Variants in IGFBP2 observed in about 807,000 individuals in gnomAD.
IGFBP2 encodes insulin like growth factor binding protein 2.
In IGFBP2, 12 loss-of-function variants were observed where a neutral mutation model predicts 26.2. The ratio of observed to expected loss-of-function variants is 0.46; its 90% confidence interval spans 0.29 to 0.74. The LOEUF (loss-of-function observed/expected upper bound fraction) is 0.74, where lower values mean the gene tolerates loss of function less well. Among genes scored for constraint, IGFBP2 ranks in the 30% least tolerant of loss-of-function variants. The probability of loss-of-function intolerance (pLI) is 0.09; values close to 1 mark genes in which losing one functional copy is unlikely to be tolerated. For missense variants in IGFBP2, 328 were observed against 441.2 expected (o/e 0.74, Z 2.30); for synonymous variants, 189 against 200.6 (o/e 0.94, Z 0.49).
At chr2:216,655,863 C>T (rs188521215) in intron 1 of IGFBP2, among the ~76,000 whole-genome samples, 10 of 151,514 alleles carry the variant, frequency 6.6e-5, no homozygotes, top group Admixed American at 4.6e-4. Context: ...CCACTGTACT[C>T]CAGCCTGGGT....
At chr2:216,661,514 G>A (rs1397745779) in intron 2 of IGFBP2, 32 of 394,458 alleles carry the variant, frequency 8.1e-5, no homozygotes, top group Non-Finnish European at 1.3e-4. Context: ...ATGGAAAGAA[G>A]TGGAGCTTGG....
intron 1 of IGFBP2, among the ~76,000 whole-genome samples, chr2:216,643,932 C>T (rs1012463444): frequency 7.9e-5 from 12 of 152,042 alleles, no homozygotes; most frequent in Non-Finnish European, 1.5e-4. Flanking sequence ...GGTGGGATGT[C>T]GATTTTTTTT....
At chr2:216,634,041 C>T in intron 1 of IGFBP2, 76 bp downstream of exon 1, 2 of 1,491,358 alleles carry the variant, frequency 1.3e-6, no homozygotes, top group Non-Finnish European at 1.8e-6. Context: ...CTGGACCTTA[C>T]GGACGGTTTT....
intron 1 of IGFBP2, among the ~76,000 whole-genome samples, chr2:216,652,170 ATTT>A (rs1165765392): frequency 3.1e-5 from 4 of 130,936 alleles, no homozygotes; most frequent in Non-Finnish European, 1.6e-5. Flanking sequence ...TTTTAGCAGA[ATTT>A]TTTTTTTTTT....
intron 1 of IGFBP2, among the ~76,000 whole-genome samples, chr2:216,656,535 T>A (rs1697927195): frequency 6.6e-6 from 1 of 152,236 alleles, no homozygotes; most frequent in South Asian, 2.1e-4. Flanking sequence ...TGGCAACGAA[T>A]GAAGACACAT....
chr2:216,660,213 G>A (rs1408962232), intron 1 of IGFBP2, among the ~76,000 whole-genome samples: 1 of 152,138 alleles, frequency 6.6e-6, no homozygotes, highest in Non-Finnish European at 1.5e-5. Flanking sequence ...AGCCTTGTAA[G>A]AGGGTCCCTG....
chr2:216,659,480 A>G (rs1364522999), intron 1 of IGFBP2: 7 of 549,788 alleles, frequency 1.3e-5, no homozygotes, highest in Admixed American at 9.1e-5. Flanking sequence ...CGTGTCTCCA[A>G]GGGGTTGGGG....
rs1574550101 is a variant in IGFBP2 at position 216,633,588 on chromosome 2, T to TGCTGCC, written c.70_71insCGCTGC (p.Leu23_Leu24insProLeu). 22 of 546,318 alleles carry TGCTGCC rather than the reference T, an allele frequency of 4.0e-5. No homozygotes were observed. The East Asian group carries it at 2.3e-3, about 56-fold the overall frequency. The allele number at this position is 546,318 out of a possible 1,614,324, so 33.8% of individuals were successfully genotyped here. On this transcript the variant is annotated inframe_insertion, in exon 1 of 4. Coordinates refer to ENST00000233809, the MANE Select transcript of IGFBP2 (RefSeq NM_000597.3). ...CCGCCGCCGCTGCTGCCGCTGCTGC[T>TGCTGCC]GCTGCTACTGGGCGCGAGTGGCGGC...
chr2:216,641,523 C>T (rs921686227), intron 1 of IGFBP2, among the ~76,000 whole-genome samples: 3 of 152,134 alleles, frequency 2.0e-5, no homozygotes, highest in African/African-American at 7.2e-5. Context: ...ATATCCATAC[C>T]TCTCCAACCT....
intron 1 of IGFBP2, among the ~76,000 whole-genome samples, chr2:216,652,396 G>A (rs966204376): frequency 2.6e-5 from 4 of 152,056 alleles, no homozygotes; most frequent in Non-Finnish European, 2.9e-5. Flanking sequence ...GACTGGTCTC[G>A]AACTCCTGAC....
intron 2 of IGFBP2, 144 bp from the exon 3 acceptor site, chr2:216,661,714 G>A: frequency 1.1e-6 from 1 of 936,838 alleles, no homozygotes; most frequent in Non-Finnish European, 1.7e-6. Flanking sequence ...CAGGCTGTCA[G>A]AAGTCCCTGT....
At chr2:216,658,298 C>T (rs1238463702) in intron 1 of IGFBP2, among the ~76,000 whole-genome samples, 4 of 152,238 alleles carry the variant, frequency 2.6e-5, no homozygotes, top group South Asian at 2.1e-4. Context: ...AGGCTCCTCA[C>T]GAGATGATTC....
At chr2:216,662,131 A>G (rs1688666300) in intron 3 of IGFBP2, 133 bp downstream of exon 3, 3 of 1,056,436 alleles carry the variant, frequency 2.8e-6, no homozygotes, top group South Asian at 1.6e-5. Flanking sequence ...TCCTGTCACC[A>G]TGGGGATTGG....
intron 1 of IGFBP2, among the ~76,000 whole-genome samples, chr2:216,641,688 ATTTTTTTTTT>A (rs71401159): frequency 1.5e-5 from 2 of 133,398 alleles, no homozygotes; most frequent in Non-Finnish European, 3.2e-5. Context: ...TCGGGCTTGC[ATTTTTTTTTT>A]TTTTTTTTTT....
At chr2:216,641,654 C>T (rs1275728814) in intron 1 of IGFBP2, among the ~76,000 whole-genome samples, 1 of 150,430 alleles carries the variant, frequency 6.6e-6, no homozygotes, top group East Asian at 1.9e-4. Context: ...ATTATAAATG[C>T]AGTGCATAAA....
At chr2:216,651,030 G>A (rs887386095) in intron 1 of IGFBP2, among the ~76,000 whole-genome samples, 3 of 152,038 alleles carry the variant, frequency 2.0e-5, no homozygotes, top group Admixed American at 6.6e-5. Flanking sequence ...AGCCTATACC[G>A]CGACAGACAT....
At chr2:216,635,706 C>G (rs1697481583) in intron 1 of IGFBP2, among the ~76,000 whole-genome samples, 1 of 152,112 alleles carries the variant, frequency 6.6e-6, no homozygotes, top group African/African-American at 2.4e-5. Context: ...TAGCCAGGAA[C>G]AGATGCGGCA....
chr2:216,664,089 C>G lies in IGFBP2; in HGVS notation c.963C>G (p.Thr321=). ...AGCAGGAGGCTCGCGGGGTGCACAC[C>G]CAGCGGATGCAGTAGACCGCAGCCA... The part of the protein sequence containing the change: ...NEQQEARGVH[T]QRMQ The change falls in exon 4 of 4, where the codon ACC becomes ACG. Residue 321 remains threonine, a synonymous_variant. Transcript: ENST00000233809. This position sits in a 1 kb window ranked among gnomAD's most constrained non-coding sequence, Gnocchi z 4.6. 6.2e-7 allele frequency: 1 copy of G among 1,608,210 alleles called. No individual in the cohort carries two copies. The highest frequency in any genetic ancestry group is 8.5e-7 in the Non-Finnish European group (1 of 1,177,484).
intron 1 of IGFBP2, among the ~76,000 whole-genome samples, chr2:216,639,770 G>A (rs1301221432): frequency 1.3e-5 from 2 of 151,994 alleles, no homozygotes; most frequent in Non-Finnish European, 2.9e-5. Flanking sequence ...AGCCCCCCAA[G>A]TAGCTGGAAT....
Sources: gnomAD v4.1 joint callset for allele counts (sites outside exome capture counted in the v4.1 genomes callset) on GRCh38, gnomAD v4.1.1 for gene constraint, Gnocchi (gnomAD v3.1) non-coding constraint, MANE v1.5 for transcripts, NCBI Gene and HGNC (gene_info 2026-07-23, HGNC 2026-07-21) for gene names.